MAN2A1: variants seen among roughly 807,000 people sequenced by gnomAD.
The protein encoded by MAN2A1 is mannosidase alpha class 2A member 1.
A neutral mutation model predicts 142.6 loss-of-function variants in MAN2A1; 76 were observed. The observed-to-expected ratio is 0.53, with a 90% confidence interval of 0.44 to 0.65. The LOEUF is 0.65. Ranked by LOEUF, MAN2A1 falls within the 30% of genes least tolerant of loss-of-function variation. The pLI is 0.00. For missense variants in MAN2A1, 1,311 were observed against 1,365.1 expected, an observed-to-expected ratio of 0.96 and a Z score of 0.62; for synonymous variants, 559 against 473.2, an observed-to-expected ratio of 1.18 and a Z score of -2.35.
chr5:109,704,229 A>C (rs1324558715), intron 1 of MAN2A1, among the ~76,000 whole-genome samples: 8 of 152,230 alleles, frequency 5.3e-5, no homozygotes, highest in African/African-American at 1.7e-4. Flanking sequence ...TCTTACCTGC[A>C]TCTGAGCAGC....
chr5:109,738,899 A>G (rs1454523021), intron 4 of MAN2A1, among the ~76,000 whole-genome samples: 1 of 152,022 alleles, frequency 6.6e-6, no homozygotes, highest in South Asian at 2.1e-4. Flanking sequence ...GCTGGAGTGC[A>G]GTGGTATGAT....
At chr5:109,787,666 T>G (rs895166103) in intron 10 of MAN2A1, among the ~76,000 whole-genome samples, 26 of 151,974 alleles carry the variant, frequency 1.7e-4, no homozygotes, top group Non-Finnish European at 2.2e-4. Flanking sequence ...TAATTAGGAC[T>G]CTTTAATACA....
At chr5:109,796,861 C>T (rs1009470393) in intron 12 of MAN2A1, among the ~76,000 whole-genome samples, 1 of 152,196 alleles carries the variant, frequency 6.6e-6, no homozygotes, top group Non-Finnish European at 1.5e-5. Context: ...TTACATCCTT[C>T]ATGACATTAT....
intron 1 of MAN2A1, among the ~76,000 whole-genome samples, chr5:109,692,963 G>C (rs1361013646): frequency 6.6e-6 from 1 of 152,130 alleles, no homozygotes; most frequent in Non-Finnish European, 1.5e-5. Flanking sequence ...CTGCTGATCT[G>C]ACAGGAGGTG....
chr5:109,755,816 G>A (rs1362643669), intron 5 of MAN2A1, among the ~76,000 whole-genome samples: 3 of 151,918 alleles, frequency 2.0e-5, no homozygotes, highest in Non-Finnish European at 4.4e-5. Flanking sequence ...TTATGTCACT[G>A]AGTGTTCCAG....
chr5:109,707,493 A>G (rs1223548395), intron 1 of MAN2A1, among the ~76,000 whole-genome samples: 2 of 152,130 alleles, frequency 1.3e-5, no homozygotes, highest in Non-Finnish European at 2.9e-5. Context: ...CCTGTTGTCA[A>G]TATAGGGATT....
intron 4 of MAN2A1, among the ~76,000 whole-genome samples, chr5:109,751,159 C>G (rs2112621158): frequency 6.6e-6 from 1 of 152,134 alleles, no homozygotes; most frequent in East Asian, 1.9e-4. Context: ...AATACTCTTC[C>G]CAGCCTCTGG....
chr5:109,833,588 C>A (rs1754985055), intron 16 of MAN2A1, among the ~76,000 whole-genome samples: 1 of 151,058 alleles, frequency 6.6e-6, no homozygotes. Flanking sequence ...GAGAATCAGG[C>A]ATGGAGGTTG....
chr5:109,804,062 C>A, intron 12 of MAN2A1: 2 of 511,524 alleles, frequency 3.9e-6, no homozygotes, highest in Non-Finnish European at 5.1e-6. Context: ...AATTATTAAC[C>A]CAAAGCAGTT....
chr5:109,861,539 G>A (rs1293873709), intron 20 of MAN2A1, among the ~76,000 whole-genome samples: 2 of 152,158 alleles, frequency 1.3e-5, no homozygotes, highest in Non-Finnish European at 2.9e-5. Context: ...TGTTTGCCAG[G>A]CATTGTGCCA....
intron 15 of MAN2A1, among the ~76,000 whole-genome samples, chr5:109,822,898 C>T (rs1217854028): frequency 2.0e-5 from 3 of 152,034 alleles, no homozygotes; most frequent in African/African-American, 4.8e-5. Context: ...AGGATGGTCT[C>T]GATCTCCTGA....
chr5:109,798,647 CCTTTT>C (rs1561517595), intron 12 of MAN2A1, among the ~76,000 whole-genome samples: 1 of 152,032 alleles, frequency 6.6e-6, no homozygotes, highest in African/African-American at 2.4e-5. Flanking sequence ...ACATGCTAGA[CCTTTT>C]CATTCTGTGT....
rs747970328 is a variant in MAN2A1, at chr5:109,866,798, A to G, written c.3283-48A>G. ...CACAGAATATGTAGTTGTGCTGCTAATCTTCAAAGTTGATCTAAATATGTA... is the reference window on the plus strand; with the variant it reads ...CACAGAATATGTAGTTGTGCTGCTAGTCTTCAAAGTTGATCTAAATATGTA... On this transcript the variant is annotated intron_variant, in intron 21 of 21. Coordinates refer to ENST00000261483, the MANE Select transcript of MAN2A1 (RefSeq NM_002372.4). The G allele has an allele frequency of 9.4e-6, 12 of 1,270,210 alleles. No individual in the cohort carries two copies. In the Admixed American group the frequency reaches 2.2e-4, roughly 23 times the overall value. 78.7% of individuals were successfully genotyped at this position (1,270,210 alleles called of 1,614,324 possible).
chr5:109,765,283 T>G (rs762234466), intron 5 of MAN2A1, among the ~76,000 whole-genome samples: 10 of 152,282 alleles, frequency 6.6e-5, no homozygotes, highest in Non-Finnish European at 1.2e-4. Context: ...TTCTTGATCT[T>G]TATATTTTTG....
intron 19 of MAN2A1, among the ~76,000 whole-genome samples, chr5:109,850,026 C>T (rs1755444704): frequency 6.6e-6 from 1 of 152,204 alleles, no homozygotes; most frequent in Non-Finnish European, 1.5e-5. Flanking sequence ...TCATCAGCTG[C>T]TTCTGGACCA....
At chr5:109,793,135 T>C (rs1214733680) in intron 12 of MAN2A1, among the ~76,000 whole-genome samples, 1 of 152,104 alleles carries the variant, frequency 6.6e-6, no homozygotes, top group African/African-American at 2.4e-5. Context: ...AGTTCACCTA[T>C]AGGCTACCTC....
intron 3 of MAN2A1, among the ~76,000 whole-genome samples, chr5:109,725,046 A>T (rs1582826628): frequency 6.6e-6 from 1 of 152,154 alleles, no homozygotes; most frequent in African/African-American, 2.4e-5. Flanking sequence ...TTTGCAGTAG[A>T]TACTAGATTA....
At chr5:109,758,128 A>G (rs193021144) in intron 5 of MAN2A1, among the ~76,000 whole-genome samples, 1 of 152,184 alleles carries the variant, frequency 6.6e-6, no homozygotes, top group Admixed American at 6.5e-5. Flanking sequence ...GTATCGTTCT[A>G]CCTTCCCACC....
intron 21 of MAN2A1, among the ~76,000 whole-genome samples, chr5:109,865,890 C>T (rs1206086831): frequency 1.3e-5 from 2 of 152,186 alleles, no homozygotes. Flanking sequence ...GAGAAGGCAG[C>T]TGGGCTGATT....
Sources: allele counts gnomAD v4.1 joint callset (sites outside exome capture counted in the v4.1 genomes callset), GRCh38; gene constraint gnomAD v4.1.1; transcripts MANE v1.5; gene names NCBI Gene and HGNC (gene_info 2026-07-23, HGNC 2026-07-21).